PDE10A: variants seen among roughly 807,000 people sequenced by gnomAD.
PDE10A encodes cAMP and cAMP-inhibited cGMP 3',5'-cyclic phosphodiesterase 10A.
PDE10A carries 39 observed loss-of-function variants against 97.7 expected under a neutral mutation model. The ratio of observed to expected loss-of-function variants is 0.40; its 90% confidence interval spans 0.31 to 0.52. The LOEUF (loss-of-function observed/expected upper bound fraction) is 0.52. Among genes scored for constraint, PDE10A ranks in the 20% least tolerant of loss-of-function variants. The probability of loss-of-function intolerance (pLI) is 0.56; values close to 1 mark genes in which losing one functional copy is unlikely to be tolerated. For synonymous variants in PDE10A, 371 were observed against 376.8 expected, an observed-to-expected ratio of 0.98 and a Z score of 0.18; for missense variants, 731 against 1,047.8, an observed-to-expected ratio of 0.70 and a Z score of 4.17.
chr6:165,986,928 T>C (rs1554236131), intron 1 of PDE10A, among the ~76,000 whole-genome samples: 1 of 151,346 alleles, frequency 6.6e-6, no homozygotes, highest in Non-Finnish European at 1.5e-5. Flanking sequence ...CCGGACCCCC[T>C]CCTCCCCTAT....
Position 165,416,289 on chromosome 6 carries a change from T to C in PDE10A, c.1797-8A>G, listed in dbSNP as rs748144579. 2 of 1,569,996 alleles carry C rather than the reference T, an allele frequency of 1.3e-6. No individual in the cohort carries two copies. The highest frequency in any genetic ancestry group is 1.8e-6 in the Non-Finnish European group (2 of 1,139,662). On this transcript the variant is annotated splice_region_variant and splice_polypyrimidine_tract_variant and intron_variant, in intron 11 of 21. Transcript: ENST00000539869. ...CCTTTCTCAATTGAAAATCTGCATATGTAAAAGAGAAGGACATGCTAATTA... is the reference window on the plus strand; with the variant it reads ...CCTTTCTCAATTGAAAATCTGCATACGTAAAAGAGAAGGACATGCTAATTA...
intron 1 of PDE10A, among the ~76,000 whole-genome samples, chr6:165,597,969 T>C (rs1446270797): frequency 6.6e-6 from 1 of 152,226 alleles, no homozygotes; most frequent in Non-Finnish European, 1.5e-5. Flanking sequence ...TGCCTCCTTG[T>C]GAACGAAACA....
intron 1 of PDE10A, among the ~76,000 whole-genome samples, chr6:165,891,453 A>G (rs1781792737): frequency 6.6e-6 from 1 of 152,124 alleles, no homozygotes; most frequent in Non-Finnish European, 1.5e-5. Context: ...CCAGCCTCCC[A>G]GGTTCAGCCA....
chr6:165,596,125 CTGA>C (rs35023874), intron 1 of PDE10A, among the ~76,000 whole-genome samples: 44,866 of 151,990 alleles, frequency 0.3, 8,462 homozygotes, highest in African/African-American at 0.53. Context: ...CTTCCTAAAC[CTGA>C]TGATCCTCCA....
At chr6:165,600,784 G>T (rs1786899968) in intron 1 of PDE10A, among the ~76,000 whole-genome samples, 1 of 152,172 alleles carries the variant, frequency 6.6e-6, no homozygotes, top group African/African-American at 2.4e-5. Flanking sequence ...CCCTCAGCAG[G>T]ACCTGAAGGA....
chr6:165,511,495 TATCAGATAAAATG>T (rs1781506220), intron 2 of PDE10A, among the ~76,000 whole-genome samples: 1 of 152,046 alleles, frequency 6.6e-6, no homozygotes, highest in Non-Finnish European at 1.5e-5. Context: ...ATTCCACAAT[TATCAGATAAAATG>T]CTCTGTAAAC....
intron 1 of PDE10A, among the ~76,000 whole-genome samples, chr6:165,984,898 C>T (rs533358366): frequency 2.6e-5 from 4 of 152,314 alleles, no homozygotes; most frequent in South Asian, 2.1e-4. Context: ...TGTTTGGAAA[C>T]GGACGCAAGC....
intron 1 of PDE10A, among the ~76,000 whole-genome samples, chr6:165,720,044 G>A (rs534187488): frequency 1.0e-3 from 154 of 152,288 alleles, no homozygotes; most frequent in Non-Finnish European, 1.8e-3. Context: ...CGTAACAGGC[G>A]CTCAATAGAC....
intron 1 of PDE10A, among the ~76,000 whole-genome samples, chr6:165,968,401 T>A (rs553968861): frequency 2.6e-5 from 4 of 152,302 alleles, no homozygotes; most frequent in Non-Finnish European, 5.9e-5. Flanking sequence ...TTTAAAACAA[T>A]GTCACCATGA....
At chr6:165,506,584 G>GA (rs1356918917) in intron 2 of PDE10A, among the ~76,000 whole-genome samples, 1 of 152,108 alleles carries the variant, frequency 6.6e-6, no homozygotes. Flanking sequence ...ATGGTGAAAA[G>GA]AAAAATTGTT....
chr6:165,765,007 T>G (rs1178349399), intron 1 of PDE10A, among the ~76,000 whole-genome samples: 1 of 151,894 alleles, frequency 6.6e-6, no homozygotes, highest in Non-Finnish European at 1.5e-5. Context: ...AGATACAGAG[T>G]GTGGACACAA....
chr6:165,845,527 G>T (rs1780390100), intron 1 of PDE10A, among the ~76,000 whole-genome samples: 1 of 152,160 alleles, frequency 6.6e-6, no homozygotes, highest in Non-Finnish European at 1.5e-5. Flanking sequence ...AGAATTGAGA[G>T]GAAAACCCAC....
At chr6:165,378,707 A>G (rs892719662) in intron 18 of PDE10A, among the ~76,000 whole-genome samples, 1 of 152,204 alleles carries the variant, frequency 6.6e-6, no homozygotes, top group African/African-American at 2.4e-5. Flanking sequence ...TTTCTACCCC[A>G]TGGGATGCCA....
intron 1 of PDE10A, among the ~76,000 whole-genome samples, chr6:165,748,808 TTGTGTGTGTGTGTG>T (rs71029562): frequency 6.8e-6 from 1 of 147,598 alleles, no homozygotes; most frequent in Non-Finnish European, 1.5e-5. Context: ...AGAAAGAAGT[TTGTGTGTGTGTGTG>T]TGTGTGTGTG....
At chr6:165,435,016 G>T (rs1789895128) in intron 6 of PDE10A, among the ~76,000 whole-genome samples, 1 of 152,120 alleles carries the variant, frequency 6.6e-6, no homozygotes, top group Non-Finnish European at 1.5e-5. Context: ...AACTGTACTG[G>T]CATGTGTTGA....
chr6:165,381,227 T>C (rs1275351423), intron 17 of PDE10A, among the ~76,000 whole-genome samples: 3 of 152,224 alleles, frequency 2.0e-5, no homozygotes, highest in African/African-American at 7.2e-5. Flanking sequence ...ACTGGATATG[T>C]CATCTGTAAG....
chr6:165,816,109 C>A (rs373317066), intron 1 of PDE10A, among the ~76,000 whole-genome samples: 1 of 152,138 alleles, frequency 6.6e-6, no homozygotes, highest in East Asian at 1.9e-4. Context: ...ACCACCACTC[C>A]TGGCTAATTT....
chr6:165,756,980 T>TA (rs1285862157), intron 1 of PDE10A, among the ~76,000 whole-genome samples: 2 of 151,778 alleles, frequency 1.3e-5, no homozygotes, highest in African/African-American at 4.8e-5. Flanking sequence ...CTATTTTTTT[T>TA]TTTTTGAGGC....
intron 2 of PDE10A, among the ~76,000 whole-genome samples, chr6:165,490,387 A>G (rs1562516028): frequency 6.6e-6 from 1 of 152,214 alleles, no homozygotes; most frequent in Admixed American, 6.5e-5. Context: ...TTTCAGACAA[A>G]CAAATGCCAA....
Sources: allele counts gnomAD v4.1 joint callset (sites outside exome capture counted in the v4.1 genomes callset), GRCh38; gene constraint gnomAD v4.1.1; transcripts MANE v1.5; gene names NCBI Gene and HGNC (gene_info 2026-07-23, HGNC 2026-07-21).